The following PCSK5 variants were observed in gnomAD, a reference collection of about 807,000 sequenced individuals.
The protein encoded by PCSK5 is proprotein convertase subtilisin/kexin type 5, also known as prohormone convertase 5.
Under a neutral mutation model 233.2 loss-of-function variants are expected in PCSK5, and 129 were observed. The ratio of observed to expected loss-of-function variants is 0.55; its 90% CI spans 0.48 to 0.64. The LOEUF is 0.64. Among genes scored for constraint, PCSK5 ranks in the 30% least tolerant of loss-of-function variants. The pLI, the probability that PCSK5 is intolerant of heterozygous loss-of-function variation, is 0.00. For synonymous variants in PCSK5, 825 were observed against 879.2 expected (o/e 0.94, Z 1.09); for missense variants, 2,076 against 2,430.1 (o/e 0.85, Z 3.06).
chr9:76,186,020 A>G (rs1824086635), intron 17 of PCSK5, among the ~76,000 whole-genome samples: 1 of 152,232 alleles, frequency 6.6e-6, no homozygotes, highest in Non-Finnish European at 1.5e-5. Flanking sequence ...CATGAGAGCC[A>G]TATATGTAAT....
At chr9:76,195,962 T>C (rs1228579483) in intron 20 of PCSK5, 2 of 152,294 alleles carry the variant, frequency 1.3e-5, no homozygotes, top group Non-Finnish European at 1.5e-5. Flanking sequence ...TGTTTCTACA[T>C]AGAAGCTGAA....
rs894606392 is a variant in PCSK5 at position 76,194,645 on chromosome 9, T to G, written c.2626+4899T>G. ...AATATTTTCACTGGTTTTCTGTGACTCTCTAAACACTTCATCGAAACTAGA... is the reference window on the plus strand; with the variant it reads ...AATATTTTCACTGGTTTTCTGTGACGCTCTAAACACTTCATCGAAACTAGA... On this transcript the variant is annotated intron_variant, in intron 20 of 37. Transcript: ENST00000674117. The G allele has an allele frequency of 5.3e-5, 20 of 379,654 alleles. 1 individual carries two copies. In the Admixed American group the frequency reaches 7.7e-4, roughly 15 times the overall value. 23.5% of individuals were successfully genotyped at this position (379,654 alleles called of 1,614,324 possible).
intron 20 of PCSK5, among the ~76,000 whole-genome samples, chr9:76,218,054 C>G (rs751752774): frequency 1.3e-5 from 2 of 152,176 alleles, no homozygotes; most frequent in Non-Finnish European, 2.9e-5. Context: ...AGGTACAGCC[C>G]AAGTGCAGTG....
At chr9:75,966,570 C>G (rs1825596732) in intron 2 of PCSK5, among the ~76,000 whole-genome samples, 1 of 152,142 alleles carries the variant, frequency 6.6e-6, no homozygotes, top group African/African-American at 2.4e-5. Context: ...AGTGGTTTTA[C>G]AGATTTCAAT....
chr9:75,940,463 G>A (rs1824250822), intron 2 of PCSK5, among the ~76,000 whole-genome samples: 1 of 152,212 alleles, frequency 6.6e-6, no homozygotes, highest in Non-Finnish European at 1.5e-5. Context: ...AATGAGGAAA[G>A]GGCATAGGAA....
At chr9:75,996,016 G>A (rs536746457) in intron 3 of PCSK5, among the ~76,000 whole-genome samples, 1 of 152,034 alleles carries the variant, frequency 6.6e-6, no homozygotes, top group Admixed American at 6.5e-5. Flanking sequence ...TCAAATACTG[G>A]TCCAAGGCTA....
intron 24 of PCSK5, among the ~76,000 whole-genome samples, chr9:76,289,500 C>CGCA (rs1221666152): frequency 2.7e-4 from 33 of 121,050 alleles, no homozygotes; most frequent in African/African-American, 9.7e-4. Flanking sequence ...CACACACACA[C>CGCA]ACACACACAC....
chr9:76,191,606 T>A (rs1170702935), intron 20 of PCSK5, among the ~76,000 whole-genome samples: 4 of 152,208 alleles, frequency 2.6e-5, no homozygotes, highest in African/African-American at 7.2e-5. Context: ...TGCATCTCCA[T>A]GGTTTTTCCA....
chr9:76,173,496 CTTTTTTTTTTT>C (rs59248860), intron 13 of PCSK5, among the ~76,000 whole-genome samples: 25 of 61,006 alleles, frequency 4.1e-4, no homozygotes, highest in South Asian at 1.1e-3. Context: ...GGCACGTTTC[CTTTTTTTTTTT>C]TTTTTTTTTT....
At chr9:75,959,197 TAAG>T (rs1271827369) in intron 2 of PCSK5, among the ~76,000 whole-genome samples, 2 of 152,174 alleles carry the variant, frequency 1.3e-5, no homozygotes, top group Non-Finnish European at 1.5e-5. Context: ...AGCCAATCTT[TAAG>T]AAGAAGTTTG....
rs79526365 is a variant in PCSK5 at position 76,049,341 on chromosome 9, G to A, written c.633-18614G>A. The stretch of plus-strand genomic sequence containing the variant: ...GGGATTATAATAAATTATACGTTTT[G>A]AAGGGAAGCATTCTTTAATTTTTGG... On this transcript the variant is annotated intron_variant, in intron 5 of 37. Coordinates refer to ENST00000674117, the MANE Select transcript of PCSK5 (RefSeq NM_001372043.1). Among the ~76,000 whole-genome samples the A allele has an allele frequency of 2.8e-3, 423 of 152,242 alleles. 2 individuals are homozygous for A. Among genetic ancestry groups the A allele is most frequent in the African/African-American group, 9.9e-3 (413 of 41,548 alleles).
chr9:75,970,112 A>C (rs934920661), intron 2 of PCSK5, among the ~76,000 whole-genome samples: 1 of 152,030 alleles, frequency 6.6e-6, no homozygotes, highest in Non-Finnish European at 1.5e-5. Flanking sequence ...ACCTCAGTTG[A>C]TCCGCCCACC....
chr9:76,055,952 T>A (rs1293415822), intron 5 of PCSK5, among the ~76,000 whole-genome samples: 1 of 152,194 alleles, frequency 6.6e-6, no homozygotes, highest in Non-Finnish European at 1.5e-5. Flanking sequence ...ACATCAATTT[T>A]GCACAATATG....
chr9:76,136,730 T>TA (rs529434510), intron 10 of PCSK5, among the ~76,000 whole-genome samples: 3 of 151,268 alleles, frequency 2.0e-5, no homozygotes, highest in Admixed American at 6.6e-5. Context: ...AAAAGTAGTT[T>TA]AAAAAAAAAT....
intron 5 of PCSK5, among the ~76,000 whole-genome samples, chr9:76,030,111 T>C (rs1393276708): frequency 6.6e-6 from 1 of 151,970 alleles, no homozygotes; most frequent in African/African-American, 2.4e-5. Context: ...AAAGAAGTGT[T>C]TTTCTCTCTG....
At chr9:76,251,905 C>T in intron 24 of PCSK5, among the ~76,000 whole-genome samples, 1 of 151,990 alleles carries the variant, frequency 6.6e-6, no homozygotes, top group East Asian at 1.9e-4. Context: ...TATTACATTC[C>T]AATCATACTA....
intron 5 of PCSK5, among the ~76,000 whole-genome samples, chr9:76,046,559 C>CTTTTTTTTTTT (rs553542037): frequency 1.6e-3 from 166 of 104,778 alleles, no homozygotes; most frequent in Non-Finnish European, 2.3e-3. Context: ...CTTTCTTTTT[C>CTTTTTTTTTTT]TTTTTTTTTT....
chr9:76,079,654 T>G (rs1830765100), intron 7 of PCSK5, among the ~76,000 whole-genome samples: 2 of 152,188 alleles, frequency 1.3e-5, no homozygotes, highest in Non-Finnish European at 2.9e-5. Flanking sequence ...ATGCTTTTTA[T>G]TTCTTTCTCT....
At chr9:75,961,117 T>C (rs976827207) in intron 2 of PCSK5, among the ~76,000 whole-genome samples, 2 of 152,224 alleles carry the variant, frequency 1.3e-5, no homozygotes, top group Admixed American at 6.5e-5. Flanking sequence ...TATCAGCTAC[T>C]GTTGCTACTG....
Sources: allele counts gnomAD v4.1 joint callset (sites outside exome capture counted in the v4.1 genomes callset), GRCh38; gene constraint gnomAD v4.1.1; transcripts MANE v1.5; gene names NCBI Gene and HGNC (gene_info 2026-07-23, HGNC 2026-07-21).